The following XPO4 variants were observed in gnomAD, a reference collection of about 807,000 sequenced individuals.
XPO4 encodes exportin 4.
In XPO4, 39 loss-of-function variants were observed where a neutral mutation model predicts 143.0. That is an observed-to-expected ratio of 0.27 (90% CI 0.21 to 0.36). The LOEUF is 0.36. Ranked by LOEUF, XPO4 falls within the 10% of genes least tolerant of loss-of-function variation. The probability of loss-of-function intolerance (pLI) is 1.00; values close to 1 mark genes in which losing one functional copy is unlikely to be tolerated. For missense variants in XPO4, 907 were observed against 1,348.0 expected (o/e 0.67, Z 5.12); for synonymous variants, 439 against 474.0 (o/e 0.93, Z 0.96).
chr13:20,844,205 T>C (rs1479585204), intron 4 of XPO4, among the ~76,000 whole-genome samples: 1 of 152,202 alleles, frequency 6.6e-6, no homozygotes, highest in Non-Finnish European at 1.5e-5. Context: ...ATGTTGAAGG[T>C]ATTATTTTGT....
chr13:20,895,536 G>A lies in XPO4; in HGVS notation c.69+7134C>T, dbSNP rs370910571. The stretch of plus-strand genomic sequence containing the variant: ...AATCCTAGCTACTCGGGAGGCTGAG[G>A]AAGGAGAATCACTTGAACCTGAGAG... On this transcript the variant is annotated intron_variant, in intron 1 of 22. Transcript: ENST00000255305. 1.2e-3 allele frequency among the ~76,000 whole-genome samples: 184 copies of A among 151,996 alleles called. 1 individual carries two copies. The highest frequency in any genetic ancestry group is 4.3e-3 in the African/African-American group (179 of 41,446).
intron 21 of XPO4, 115 bp downstream of exon 21, chr13:20,787,366 G>C: frequency 1.0e-6 from 1 of 979,792 alleles, no homozygotes; most frequent in Non-Finnish European, 1.6e-6. Context: ...AGGAAGTCAT[G>C]GTTTCCTTGC....
chr13:20,902,590 C>T lies in XPO4; in HGVS notation c.69+80G>A, dbSNP rs567571521. 14 of 1,426,112 alleles carry T rather than the reference C, an allele frequency of 9.8e-6. No homozygotes were observed. In the East Asian group the frequency reaches 1.4e-4, roughly 15 times the overall value. 88.3% of individuals were successfully genotyped at this position (1,426,112 alleles called of 1,614,324 possible). A position where few individuals can be genotyped will look rare whatever the true frequency, so the allele number is the denominator to read the frequency against. The stretch of plus-strand genomic sequence containing the variant: ...TGCAGGCCCTTGCCAGTCGCCAGCC[C>T]AGCGAGCAGCAAGGCCTGGAGTGGC... On this transcript the variant is annotated intron_variant, in intron 1 of 22. Coordinates refer to ENST00000255305, the MANE Select transcript of XPO4 (RefSeq NM_022459.5).
intron 22 of XPO4, among the ~76,000 whole-genome samples, chr13:20,784,318 T>C (rs1213760676): frequency 3.3e-5 from 5 of 152,206 alleles, no homozygotes; most frequent in African/African-American, 7.2e-5. Context: ...AAGTCTGCAA[T>C]AGTTCCCCAG....
chr13:20,778,564 ACT>A lies in XPO4; in HGVS notation c.*5156_*5157del, dbSNP rs2059106756. On this transcript the variant is annotated 3_prime_UTR_variant, in exon 23 of 23. Transcript: ENST00000255305. ...AATATGCACCAAAGATAATGACTTAACTAGTAACTGTGAAACTGTTTCTAAGA... is the reference window on the plus strand; with the variant it reads ...AATATGCACCAAAGATAATGACTTAAAGTAACTGTGAAACTGTTTCTAAGA... 1 of 152,196 alleles carries A rather than the reference ACT, an allele frequency of 6.6e-6. No individual in the cohort carries two copies. Among genetic ancestry groups the A allele is most frequent in the Non-Finnish European group, 1.5e-5 (1 of 68,028 alleles). The allele number at this position is 152,196 out of a possible 1,614,324, so 9.4% of individuals were successfully genotyped here.
chr13:20,887,070 C>CA (rs921287514), intron 1 of XPO4, among the ~76,000 whole-genome samples: 28 of 144,610 alleles, frequency 1.9e-4, no homozygotes, highest in Non-Finnish European at 2.4e-4. Context: ...AACTCCGTCT[C>CA]AAAAAAAAAA....
chr13:20,851,206 G>A, intron 4 of XPO4: 1 of 985,386 alleles, frequency 1.0e-6, no homozygotes, highest in Non-Finnish European at 1.2e-6. Flanking sequence ...CATTTTTTAG[G>A]CCTTCCTATT....
intron 9 of XPO4, among the ~76,000 whole-genome samples, chr13:20,816,714 A>C (rs567762335): frequency 1.3e-5 from 2 of 152,380 alleles, no homozygotes; most frequent in South Asian, 4.1e-4. Context: ...TTGGTAAAGC[A>C]GATTTAAACA....
chr13:20,800,426 T>TA, intron 14 of XPO4, 101 bp from the exon 15 acceptor site: 1 of 1,113,646 alleles, frequency 9.0e-7, no homozygotes. Flanking sequence ...TAATCTGAAG[T>TA]AGTGCTTACT....
chr13:20,883,469 G>T (rs1022642684), intron 1 of XPO4, among the ~76,000 whole-genome samples: 3 of 152,128 alleles, frequency 2.0e-5, no homozygotes, highest in Non-Finnish European at 4.4e-5. Context: ...TATTTGTAAG[G>T]CATAACAGAC....
At position 20,842,886 on chromosome 13, in the gene XPO4, A is replaced by G; in HGVS notation, c.727+9T>C. 2 of 1,599,854 alleles carry G rather than the reference A, an allele frequency of 1.3e-6. No homozygotes were observed. The highest frequency in any genetic ancestry group is 8.5e-7 in the Non-Finnish European group (1 of 1,170,530). On this transcript the variant is annotated intron_variant, in intron 6 of 22. Coordinates refer to ENST00000255305, the MANE Select transcript of XPO4 (RefSeq NM_022459.5). Reference sequence around the variant, plus strand: ...CCACAGATAAACTATTCATTTGTTAAAAGGATATAATTTGGAGGAAGAAAG... The same window carrying G: ...CCACAGATAAACTATTCATTTGTTAGAAGGATATAATTTGGAGGAAGAAAG...
At chr13:20,795,531 G>T (rs1167160644) in intron 18 of XPO4, among the ~76,000 whole-genome samples, 1 of 152,192 alleles carries the variant, frequency 6.6e-6, no homozygotes, top group Non-Finnish European at 1.5e-5. Context: ...CACTAGGCTA[G>T]GTCTTCAAAG....
intron 3 of XPO4, among the ~76,000 whole-genome samples, chr13:20,858,584 T>A (rs919649320): frequency 6.6e-6 from 1 of 152,058 alleles, no homozygotes; most frequent in South Asian, 2.1e-4. Flanking sequence ...AAAAAATATG[T>A]ATGTAAGCCA....
At chr13:20,818,981 C>T (rs1358029295) in intron 9 of XPO4, among the ~76,000 whole-genome samples, 7 of 152,112 alleles carry the variant, frequency 4.6e-5, no homozygotes, top group East Asian at 3.9e-4. Flanking sequence ...CCACCATGCC[C>T]GGCTAATTTT....
intron 13 of XPO4, among the ~76,000 whole-genome samples, 177 bp downstream of exon 13, chr13:20,807,280 C>A (rs1350445550): frequency 6.6e-6 from 1 of 152,194 alleles, no homozygotes; most frequent in East Asian, 1.9e-4. Flanking sequence ...TAGAGTGGCA[C>A]TGCCTAAATA....
At chr13:20,854,491 A>C (rs1331204794) in intron 4 of XPO4, among the ~76,000 whole-genome samples, 3 of 152,248 alleles carry the variant, frequency 2.0e-5, no homozygotes, top group Non-Finnish European at 4.4e-5. Flanking sequence ...AGGAATTAAC[A>C]AACAGTTATA....
At chr13:20,856,178 C>T in intron 3 of XPO4, 1 of 279,966 alleles carries the variant, frequency 3.6e-6, no homozygotes, top group Non-Finnish European at 5.4e-6. Flanking sequence ...GATTAAGATT[C>T]CACTAGTCTG....
Position 20,868,705 on chromosome 13 carries a change from G to A in XPO4, c.70-4C>T, listed in dbSNP as rs1395790143. 5 of 1,611,140 alleles carry A rather than the reference G, an allele frequency of 3.1e-6. No individual in the cohort carries two copies. Among genetic ancestry groups the A allele is most frequent in the Admixed American group, 1.7e-5 (1 of 59,782 alleles). ...TATTGACCATGGAAGGTGGTGCCTT[G>A]AGAGTTAAAGACAAGAACAGATACA... is the stretch of plus-strand genomic sequence containing the variant. On this transcript the variant is annotated splice_polypyrimidine_tract_variant and splice_region_variant and intron_variant, in intron 1 of 22. Coordinates refer to ENST00000255305, the MANE Select transcript of XPO4 (RefSeq NM_022459.5).
chr13:20,833,641 T>C (rs768672546), intron 6 of XPO4, among the ~76,000 whole-genome samples: 2 of 152,178 alleles, frequency 1.3e-5, no homozygotes, highest in Non-Finnish European at 2.9e-5. Flanking sequence ...GGGCTAACCG[T>C]ACTTAAATAA....
Sources: gnomAD v4.1 joint callset for allele counts (sites outside exome capture counted in the v4.1 genomes callset) on GRCh38, gnomAD v4.1.1 for gene constraint, MANE v1.5 for transcripts, NCBI Gene and HGNC (gene_info 2026-07-23, HGNC 2026-07-21) for gene names.